Variants in JHY observed in about 807,000 individuals in gnomAD.
The protein encoded by JHY is jhy protein homolog.
A neutral mutation model predicts 78.0 loss-of-function variants in JHY; 69 were observed. The observed-to-expected ratio is 0.88, with a 90% CI of 0.73 to 1.08. The LOEUF is 1.08. Among genes scored for constraint, JHY ranks in the 50% least tolerant of loss-of-function variants. The pLI is 0.00. For missense variants in JHY, 944 were observed against 927.8 expected, an observed-to-expected ratio of 1.02 and a Z score of -0.23; for synonymous variants, 368 against 342.6, an observed-to-expected ratio of 1.07 and a Z score of -0.82.
intron 3 of JHY, among the ~76,000 whole-genome samples, chr11:122,920,857 C>T (rs1863348503): frequency 1.3e-5 from 2 of 152,116 alleles, no homozygotes; most frequent in South Asian, 2.1e-4. Flanking sequence ...CTGCAAAGGC[C>T]GGTTTTCTAG....
intron 4 of JHY, among the ~76,000 whole-genome samples, chr11:122,931,405 A>G (rs1591388918): frequency 1.3e-5 from 2 of 152,196 alleles, no homozygotes; most frequent in Non-Finnish European, 2.9e-5. Context: ...AACCTTTCCA[A>G]AAAGCTGTTA....
chr11:122,904,191 C>T lies in JHY; in HGVS notation c.611C>T (p.Ala204Val). The change falls in exon 3 of 9, where the codon GCC (alanine) becomes GTC (valine). Residue 204 changes from alanine (A) to valine (V), a missense_variant. Physicochemically the swap from Ala to Val is moderately conservative, Grantham distance 64. Transcript: ENST00000227349. ...EFLSPNYEHG[A>V]RRSKPFSELS... The stretch of plus-strand genomic sequence containing the variant: ...TTAAGCCCAAACTATGAGCATGGTG[C>T]CCGTCGCAGCAAGCCGTTTTCAGAG... The T allele has an allele frequency of 6.2e-7, 1 of 1,614,148 alleles. No individual in the cohort carries two copies. The highest frequency in any genetic ancestry group is 8.5e-7 in the Non-Finnish European group (1 of 1,180,030).
chr11:122,912,154 G>A (rs940426814), intron 3 of JHY, among the ~76,000 whole-genome samples: 1 of 151,778 alleles, frequency 6.6e-6, no homozygotes, highest in Admixed American at 6.6e-5. Context: ...GGGCCTCGTG[G>A]TGCGCACCTG....
At chr11:122,956,188 T>C (rs1864187105) in intron 6 of JHY, among the ~76,000 whole-genome samples, 1 of 151,966 alleles carries the variant, frequency 6.6e-6, no homozygotes, top group Non-Finnish European at 1.5e-5. Flanking sequence ...AAAACATTCG[T>C]AAGAAAACAG....
At chr11:122,949,197 A>G (rs1365179189) in intron 6 of JHY, among the ~76,000 whole-genome samples, 1 of 152,124 alleles carries the variant, frequency 6.6e-6, no homozygotes, top group Non-Finnish European at 1.5e-5. Flanking sequence ...GGTCCTTGTG[A>G]CTAAACCTGG....
chr11:122,957,811 T>TCACACACACACACA lies in JHY; in HGVS notation c.2139+328_2139+341dup, dbSNP rs113733119. Among the ~76,000 whole-genome samples the TCACACACACACACA allele has an allele frequency of 2.0e-3, 295 of 149,806 alleles. 3 individuals are homozygous for TCACACACACACACA. Among genetic ancestry groups the TCACACACACACACA allele is most frequent in the Middle Eastern group, 3.4e-3 (1 of 292 alleles). On this transcript the variant is annotated intron_variant, in intron 8 of 8. Coordinates refer to ENST00000227349, the MANE Select transcript of JHY (RefSeq NM_024806.4). ...CAATGCAATAGTGACACACACACAGTCACACACACACACACACACACTTTT... is the reference window on the plus strand; with the variant it reads ...CAATGCAATAGTGACACACACACAGTCACACACACACACACACACACACACACACACACACTTTT...
intron 5 of JHY, among the ~76,000 whole-genome samples, chr11:122,940,511 A>G (rs1863852800): frequency 6.6e-6 from 1 of 152,198 alleles, no homozygotes. Flanking sequence ...ACATTATACC[A>G]GGGGATACAT....
chr11:122,928,916 A>G (rs1005122110), intron 4 of JHY, among the ~76,000 whole-genome samples: 6 of 151,450 alleles, frequency 4.0e-5, no homozygotes, highest in Admixed American at 6.6e-5. Flanking sequence ...CCAAAGTGCC[A>G]GGATTACAGG....
In JHY at chr11:122,963,164, T is replaced by C. The variant is rs1214246052; in HGVS notation, c.*3719T>C. ...AAGAGACACTATTTATTTTCTTTTT[T>C]TTTTCCAGAACATTTCAAAAACTTC... On this transcript the variant is annotated 3_prime_UTR_variant, in exon 9 of 9. Coordinates refer to ENST00000227349, the MANE Select transcript of JHY (RefSeq NM_024806.4). 6.6e-6 allele frequency among the ~76,000 whole-genome samples: 1 copy of C among 152,192 alleles called. No individual in the cohort carries two copies. The highest frequency in any genetic ancestry group is 1.5e-5 in the Non-Finnish European group (1 of 68,022).
At chr11:122,919,296 T>C (rs1208531534) in intron 3 of JHY, among the ~76,000 whole-genome samples, 1 of 136,630 alleles carries the variant, frequency 7.3e-6, no homozygotes, top group Non-Finnish European at 1.5e-5. Flanking sequence ...GAGGTTGCAG[T>C]GAGCCAAGAT....
In JHY at chr11:122,904,070, T is replaced by C; in HGVS notation, c.490T>C (p.Tyr164His). The change falls in exon 3 of 9, where the codon TAC becomes CAC. Residue 164 changes from tyrosine to histidine, a missense_variant. Physicochemically the swap from Tyr to His is moderately conservative, Grantham distance 83. Transcript: ENST00000227349. ...AGAAAATCTGCCTTTGGCTCCCCTC[T>C]ACCCTTCCCAGGAGACGTCAATGGA... ...SLENLPLAPL[Y>H]PSQETSMELS... The C allele has an allele frequency of 6.2e-7, 1 of 1,614,108 alleles. No individual in the cohort carries two copies. Among genetic ancestry groups the C allele is most frequent in the Non-Finnish European group, 8.5e-7 (1 of 1,180,004 alleles).
At chr11:122,884,830 C>T (rs762039005) in intron 1 of JHY, among the ~76,000 whole-genome samples, 3 of 152,172 alleles carry the variant, frequency 2.0e-5, no homozygotes, top group Non-Finnish European at 1.5e-5. Flanking sequence ...GATAGGGTCA[C>T]GTTCTGTTAC....
At chr11:122,942,190 G>C (rs750955769) in intron 5 of JHY, among the ~76,000 whole-genome samples, 5 of 151,800 alleles carry the variant, frequency 3.3e-5, no homozygotes, top group Admixed American at 6.6e-5. Flanking sequence ...CTTTTTCAAA[G>C]CAGAAATTTA....
At chr11:122,934,362 A>G in intron 4 of JHY, 58 bp from the exon 5 acceptor site, 1 of 861,420 alleles carries the variant, frequency 1.2e-6, no homozygotes, top group Non-Finnish European at 1.6e-6. Context: ...ATAATAAAAT[A>G]AAATTTGTGA....
At chr11:122,929,661 A>C (rs1863595539) in intron 4 of JHY, among the ~76,000 whole-genome samples, 1 of 152,228 alleles carries the variant, frequency 6.6e-6, no homozygotes, top group Non-Finnish European at 1.5e-5. Context: ...CAACTCATGT[A>C]TATGGAAGGC....
Position 122,962,509 on chromosome 11 carries a change from A to G in JHY, c.*3064A>G, listed in dbSNP as rs1864336596. ...AATATATGAGGCATTAGACAGGAAA[A>G]TCACAGGCCAAAACTACTCCTAAAA... On this transcript the variant is annotated 3_prime_UTR_variant, in exon 9 of 9. Transcript: ENST00000227349. 6.6e-6 allele frequency among the ~76,000 whole-genome samples: 1 copy of G among 152,204 alleles called. No individual in the cohort carries two copies. Among genetic ancestry groups the G allele is most frequent in the African/African-American group, 2.4e-5 (1 of 41,456 alleles).
chr11:122,887,448 G>C (rs1212335496), intron 2 of JHY, among the ~76,000 whole-genome samples: 2 of 151,980 alleles, frequency 1.3e-5, no homozygotes, highest in Non-Finnish European at 2.9e-5. Context: ...TCAGCCTCCC[G>C]AGTAGCTGGG....
intron 3 of JHY, among the ~76,000 whole-genome samples, chr11:122,908,639 T>C (rs1245309644): frequency 6.6e-6 from 1 of 152,184 alleles, no homozygotes. Flanking sequence ...GATTATTCAG[T>C]TGATTTGTGG....
rs1477049526 is a variant in JHY, at chr11:122,946,588, G to A, written c.1725G>A (p.Leu575=). Residue 575 remains leucine, a synonymous_variant, in exon 6 of 9, where the codon TTG becomes TTA. Coordinates refer to ENST00000227349, the MANE Select transcript of JHY (RefSeq NM_024806.4). ...TQIMEQHQQA[L]VQLTDVQPSE... ...TAATGGAGCAGCATCAGCAAGCCTT[G>A]GTGCAGCTGACCGACGTGCAGCCCA... The A allele has an allele frequency of 1.9e-6, 3 of 1,613,896 alleles. No homozygotes were observed. Among genetic ancestry groups the A allele is most frequent in the Non-Finnish European group, 2.5e-6 (3 of 1,179,982 alleles).
Sources: allele counts gnomAD v4.1 joint callset (sites outside exome capture counted in the v4.1 genomes callset), GRCh38; gene constraint gnomAD v4.1.1; transcripts MANE v1.5; gene names NCBI Gene and HGNC (gene_info 2026-07-23, HGNC 2026-07-21).